AUTS2: variants seen among roughly 807,000 people sequenced by gnomAD.
AUTS2 encodes autism susceptibility gene 2 protein.
Under a neutral mutation model 112.4 loss-of-function variants are expected in AUTS2, and 17 were observed. The ratio of observed to expected loss-of-function variants is 0.15; its 90% CI spans 0.10 to 0.23. The LOEUF is 0.23. AUTS2 is among the 10% of genes least tolerant of loss of function. The probability of loss-of-function intolerance (pLI) is 1.00; values close to 1 mark genes in which losing one functional copy is unlikely to be tolerated. For missense variants in AUTS2, 1,510 were observed against 1,701.6 expected, an observed-to-expected ratio of 0.89 and a Z score of 1.98; for synonymous variants, 751 against 702.7, an observed-to-expected ratio of 1.07 and a Z score of -1.09.
chr7:70,066,205 A>G (rs1450588661), intron 2 of AUTS2, among the ~76,000 whole-genome samples: 1 of 152,216 alleles, frequency 6.6e-6, no homozygotes, highest in Non-Finnish European at 1.5e-5. Flanking sequence ...TTTTCAAAGC[A>G]CATTCCTATA....
intron 4 of AUTS2, among the ~76,000 whole-genome samples, chr7:70,315,343 A>G (rs1434130989): frequency 6.6e-6 from 1 of 152,218 alleles, no homozygotes; most frequent in Non-Finnish European, 1.5e-5. Flanking sequence ...CCTGAATTCA[A>G]ATCCTTGCTC....
At chr7:70,096,614 A>G (rs1804217197) in intron 2 of AUTS2, among the ~76,000 whole-genome samples, 1 of 151,266 alleles carries the variant, frequency 6.6e-6, no homozygotes, top group East Asian at 1.9e-4. Flanking sequence ...AAAAAAAAAA[A>G]AAGAAAAAAA....
At chr7:70,483,949 C>T (rs982368678) in intron 5 of AUTS2, among the ~76,000 whole-genome samples, 1 of 152,026 alleles carries the variant, frequency 6.6e-6, no homozygotes, top group African/African-American at 2.4e-5. Flanking sequence ...TAGTGGTCTG[C>T]CCTGAAGGGA....
At chr7:70,018,944 A>T (rs563640386) in intron 2 of AUTS2, among the ~76,000 whole-genome samples, 6 of 152,352 alleles carry the variant, frequency 3.9e-5, no homozygotes, top group Non-Finnish European at 5.9e-5. Flanking sequence ...TTGTTCTATC[A>T]TAAAGATACA....
intron 5 of AUTS2, among the ~76,000 whole-genome samples, chr7:70,695,508 C>G (rs1418321171): frequency 4.6e-5 from 7 of 152,194 alleles, no homozygotes; most frequent in Admixed American, 4.6e-4. Flanking sequence ...GGAGAAAGAA[C>G]TCGCGCTTAA....
chr7:70,428,390 A>G (rs886111444), intron 4 of AUTS2, among the ~76,000 whole-genome samples: 1 of 152,204 alleles, frequency 6.6e-6, no homozygotes, highest in Non-Finnish European at 1.5e-5. Context: ...TTTAGTCACC[A>G]TGCTGCTATC....
intron 2 of AUTS2, among the ~76,000 whole-genome samples, chr7:70,064,076 A>T (rs1054105965): frequency 2.0e-5 from 3 of 152,176 alleles, no homozygotes; most frequent in African/African-American, 7.2e-5. Flanking sequence ...GGTTTCAGCA[A>T]AGCATCTTTA....
chr7:70,665,205 T>C (rs1225768810), intron 5 of AUTS2, among the ~76,000 whole-genome samples: 1 of 152,198 alleles, frequency 6.6e-6, no homozygotes, highest in Non-Finnish European at 1.5e-5. Context: ...GGGCACCATT[T>C]TCCTACCACT....
At chr7:70,429,901 A>T (rs1483525282) in intron 4 of AUTS2, among the ~76,000 whole-genome samples, 1 of 152,064 alleles carries the variant, frequency 6.6e-6, no homozygotes, top group Non-Finnish European at 1.5e-5. Flanking sequence ...AGTGGTTGGG[A>T]TTTGGGAGTT....
intron 2 of AUTS2, among the ~76,000 whole-genome samples, chr7:70,112,023 C>A (rs1805114383): frequency 1.3e-5 from 2 of 151,740 alleles, no homozygotes; most frequent in Non-Finnish European, 2.9e-5. Flanking sequence ...CCTATACTTG[C>A]CTTTTTGTCT....
chr7:70,088,634 C>T (rs1305023102), intron 2 of AUTS2, among the ~76,000 whole-genome samples: 1 of 149,842 alleles, frequency 6.7e-6, no homozygotes, highest in East Asian at 2.0e-4. Flanking sequence ...GTTTTAAAGA[C>T]AAAGTCTTGC....
At chr7:70,040,714 C>T (rs1801208665) in intron 2 of AUTS2, among the ~76,000 whole-genome samples, 1 of 152,136 alleles carries the variant, frequency 6.6e-6, no homozygotes, top group Non-Finnish European at 1.5e-5. Context: ...GCTGTGTGGA[C>T]ATGATTTGCT....
intron 1 of AUTS2, among the ~76,000 whole-genome samples, chr7:69,730,531 C>T (rs769851566): frequency 3.5e-4 from 54 of 152,168 alleles, no homozygotes; most frequent in Non-Finnish European, 7.2e-4. Flanking sequence ...TTATTCATAT[C>T]TTGGGAGAGG....
chr7:70,727,586 G>T (rs1285157643), intron 6 of AUTS2, among the ~76,000 whole-genome samples: 1 of 152,146 alleles, frequency 6.6e-6, no homozygotes, highest in African/African-American at 2.4e-5. Context: ...GATCTCAGGC[G>T]ATCTGCCTGC....
chr7:69,997,815 A>G (rs1339609014), intron 2 of AUTS2, among the ~76,000 whole-genome samples: 1 of 152,198 alleles, frequency 6.6e-6, no homozygotes. Flanking sequence ...ATATTTCAAC[A>G]TGAGATTTGG....
At chr7:70,248,114 G>C (rs1329460270) in intron 4 of AUTS2, among the ~76,000 whole-genome samples, 1 of 152,120 alleles carries the variant, frequency 6.6e-6, no homozygotes, top group African/African-American at 2.4e-5. Context: ...GCTAGATTCA[G>C]TTTGCTGACA....
intron 4 of AUTS2, among the ~76,000 whole-genome samples, chr7:70,298,084 T>C (rs760705674): frequency 3.3e-5 from 5 of 151,910 alleles, no homozygotes; most frequent in Admixed American, 1.3e-4. Context: ...GAGGCTGGAG[T>C]GCAGTGGCAC....
chr7:69,834,584 G>A (rs1226381257), intron 1 of AUTS2, among the ~76,000 whole-genome samples: 1 of 152,242 alleles, frequency 6.6e-6, no homozygotes, highest in African/African-American at 2.4e-5. Context: ...CTGCTCTGGT[G>A]TGTTACATTC....
chr7:70,089,131 A>G (rs555940897), intron 2 of AUTS2, among the ~76,000 whole-genome samples: 11 of 152,230 alleles, frequency 7.2e-5, no homozygotes, highest in African/African-American at 2.6e-4. Context: ...TTTAAGTCTT[A>G]TATCCTTCTC....
Sources: gnomAD v4.1 joint callset for allele counts (sites outside exome capture counted in the v4.1 genomes callset) on GRCh38, gnomAD v4.1.1 for gene constraint, MANE v1.5 for transcripts, NCBI Gene and HGNC (gene_info 2026-07-23, HGNC 2026-07-21) for gene names.